The following KIF12 variants were observed in gnomAD, a reference collection of about 807,000 sequenced individuals.
KIF12 encodes the protein kinesin family member 12, also known as kinesin-like protein KIF12.
KIF12 carries 80 observed loss-of-function variants against 87.9 expected under a neutral mutation model. The ratio of observed to expected loss-of-function variants is 0.91; its 90% confidence interval spans 0.76 to 1.10. KIF12 has a LOEUF of 1.10. Ranked by LOEUF, KIF12 falls within the 50% of genes least tolerant of loss-of-function variation. The pLI is 0.00. For missense variants in KIF12, 819 were observed against 865.3 expected (o/e 0.95, Z 0.67); for synonymous variants, 353 against 348.5 (o/e 1.01, Z -0.14).
Position 114,095,242 on chromosome 9 carries a change from G to A in KIF12, c.986C>T (p.Ser329Leu), listed in dbSNP as rs1434612821. 8 of 1,613,904 alleles carry A rather than the reference G, an allele frequency of 5.0e-6. No individual in the cohort carries two copies. Among genetic ancestry groups the A allele is most frequent in the Non-Finnish European group, 6.8e-6 (8 of 1,180,020 alleles). ...DSKLTKLLAD[S>L]LGGRGVTLMV... The stretch of plus-strand genomic sequence containing the variant: ...GAGGGTGACCCCGCGCCCTCCCAGT[G>A]AGTCTGCCAGCAACTTGGTGAGCTT... Residue 329 changes from serine (S) to leucine (L), a missense_variant, in exon 10 of 19, where the codon TCA (serine) becomes TTA (leucine). By Grantham distance (145) the Ser-to-Leu change is moderately radical. Transcript: ENST00000640217.
Position 114,097,543 on chromosome 9 carries a change from G to A in KIF12, c.510+64C>T, listed in dbSNP as rs1163378920. On this transcript the variant is annotated intron_variant, in intron 6 of 18. Transcript: ENST00000640217. ...CCGCCTCTTCTGTCCTTTGATCCAG[G>A]CTCCCTGGAAAGAAGCGCTCCGTTT... 3.7e-6 allele frequency: 6 copies of A among 1,601,316 alleles called. No homozygotes were observed. In the African/African-American group the frequency reaches 5.4e-5, roughly 14 times the overall value.
In KIF12 at chr9:114,098,501, T is replaced by TGGAGGAGGGCGGGGCACGCG. The variant is rs1409179076; in HGVS notation, c.172-92_172-73dup. On this transcript the variant is annotated intron_variant, in intron 3 of 18. Transcript: ENST00000640217. ...GGCACCCTGGAGGGGCGGGGCACCG[T>TGGAGGAGGGCGGGGCACGCG]GGAGGAGGGCGGGGCACGCGGGAGG... 5.3e-3 allele frequency: 4,096 copies of TGGAGGAGGGCGGGGCACGCG among 768,410 alleles called. 63 individuals are homozygous for TGGAGGAGGGCGGGGCACGCG. Among genetic ancestry groups the TGGAGGAGGGCGGGGCACGCG allele is most frequent in the Middle Eastern group, 6.5e-3 (14 of 2,166 alleles). The allele number at this position is 768,410 out of a possible 1,614,324, so 47.6% of individuals were successfully genotyped here. A position where few individuals can be genotyped will look rare whatever the true frequency, so the allele number is the denominator to read the frequency against.
At chr9:114,093,601 C>A in intron 14 of KIF12, 104 bp from the exon 15 acceptor site, 1 of 969,048 alleles carries the variant, frequency 1.0e-6, no homozygotes, top group Non-Finnish European at 1.6e-6. Context: ...GTACCAGGTA[C>A]CGGGCCCCAT....
chr9:114,096,623 G>A (rs1223164072), intron 7 of KIF12, 145 bp from the exon 8 acceptor site: 2 of 697,578 alleles, frequency 2.9e-6, no homozygotes, highest in East Asian at 2.7e-5. Context: ...TTCAGGGAAC[G>A]ATGGGATGTT....
At chr9:114,095,685 T>C (rs964205714) in intron 9 of KIF12, among the ~76,000 whole-genome samples, 6 of 152,164 alleles carry the variant, frequency 3.9e-5, no homozygotes, top group African/African-American at 1.2e-4. Context: ...CCAGGTCCAA[T>C]ACCCTGGGGT....
At chr9:114,095,933 G>A (rs1428763303) in intron 9 of KIF12, 118 bp downstream of exon 9, 20 of 1,162,250 alleles carry the variant, frequency 1.7e-5, no homozygotes, top group Non-Finnish European at 2.4e-5. Context: ...TTCCTGGATC[G>A]CAGCTCTTTA....
chr9:114,092,320 C>T lies in KIF12; in HGVS notation c.1816+13G>A. On this transcript the variant is annotated intron_variant, in intron 18 of 18. Transcript: ENST00000640217. ...GAGAACATTAGGGGCCCCTCCCTCT[C>T]TCCCTTCTTCACCTCTGAGCCCTGG... 1 of 1,546,512 alleles carries T rather than the reference C, an allele frequency of 6.5e-7. No individual in the cohort carries two copies. The highest frequency in any genetic ancestry group is 8.7e-7 in the Non-Finnish European group (1 of 1,149,162).
At chr9:114,098,906 T>C (rs778225268) in intron 3 of KIF12, 29 bp downstream of exon 3, 23 of 1,539,388 alleles carry the variant, frequency 1.5e-5, no homozygotes, top group East Asian at 4.9e-5. Flanking sequence ...GGATTTTTTA[T>C]TGGGGAGATA....
Position 114,096,492 on chromosome 9 carries a change from A to T in KIF12, c.647-14T>A, listed in dbSNP as rs1461696884. On this transcript the variant is annotated splice_polypyrimidine_tract_variant and intron_variant, in intron 7 of 18. Coordinates refer to ENST00000640217, the MANE Select transcript of KIF12 (RefSeq NM_001388308.1). ...GACGGCTGAGACCTGGAAGGGAAAA[A>T]CATCAGGAGCTGGACCTGGTAGGAA... 5 of 1,596,920 alleles carry T rather than the reference A, an allele frequency of 3.1e-6. No homozygotes were observed. The highest frequency in any genetic ancestry group is 4.3e-6 in the Non-Finnish European group (5 of 1,169,606).
chr9:114,098,061 G>A, intron 5 of KIF12, 54 bp downstream of exon 5: 2 of 1,500,180 alleles, frequency 1.3e-6, no homozygotes, highest in South Asian at 1.2e-5. Context: ...GGCTCCCCAG[G>A]GCTTCCAGCC....
intron 18 of KIF12, 108 bp downstream of exon 18, chr9:114,092,225 T>A: frequency 6.7e-7 from 1 of 1,483,182 alleles, no homozygotes; most frequent in African/African-American, 1.4e-5. Context: ...AGAAGCCACC[T>A]CTCAACACCC....
chr9:114,091,827 T>C lies in KIF12; in HGVS notation c.*34A>G. 1 of 1,559,304 alleles carries C rather than the reference T, an allele frequency of 6.4e-7. No individual in the cohort carries two copies. The highest frequency in any genetic ancestry group is 8.7e-7 in the Non-Finnish European group (1 of 1,146,966). On this transcript the variant is annotated 3_prime_UTR_variant, in exon 19 of 19. Transcript: ENST00000640217. The stretch of plus-strand genomic sequence containing the variant: ...CAAGAGTGTGGAGCCCAGTCTGAGG[T>C]CACACAGCAGTCTCCTGGGTTCCCA...
intron 18 of KIF12, 22 bp from the exon 19 acceptor site, chr9:114,092,022 G>A: frequency 1.2e-6 from 2 of 1,602,466 alleles, no homozygotes; most frequent in South Asian, 2.2e-5. Context: ...TGAGACTCGA[G>A]GCCTGCCCTC....
At position 114,098,391 on chromosome 9, in the gene KIF12, G is replaced by T; in HGVS notation, c.210C>A (p.Arg70=). ...GCGCCGCGTCTAGCACCGCACCGAA[G>T]CGGAACGCCACTTCTGGACCCCCGC... ...PPGGGPEVAF[R]FGAVLDAART... The change falls in exon 4 of 19, where the codon CGC becomes CGA. Residue 70 remains arginine, a synonymous_variant. Transcript: ENST00000640217. 1 of 1,514,426 alleles carries T rather than the reference G, an allele frequency of 6.6e-7. No homozygotes were observed. 93.8% of individuals were successfully genotyped at this position (1,514,426 alleles called of 1,614,324 possible).
intron 1 of KIF12, 24 bp downstream of exon 1, chr9:114,099,227 G>A (rs1248775585): frequency 8.4e-6 from 13 of 1,550,720 alleles, no homozygotes; most frequent in Admixed American, 3.9e-5. Context: ...AGGACTCCTC[G>A]AACCTGTCTG....
rs1226054079 is a variant in KIF12 at position 114,098,197 on chromosome 9, G to C, written c.300-7C>G. The C allele has an allele frequency of 1.3e-6, 2 of 1,543,518 alleles. No homozygotes were observed. Among genetic ancestry groups the C allele is most frequent in the East Asian group, 2.5e-5 (1 of 39,982 alleles). ...GAAAACAGTGCAGGAGAAACTGCGG[G>C]CGGCAAGGGCGTGGCTGGACTCCGG... is the stretch of plus-strand genomic sequence containing the variant. On this transcript the variant is annotated splice_polypyrimidine_tract_variant and splice_region_variant and intron_variant, in intron 4 of 18. Transcript: ENST00000640217.
rs374850339 is a variant in KIF12, at chr9:114,091,931, C to G, written c.1886G>C (p.Arg629Pro). ...GCAGGGTGGCTGGCTGCGGCCACGTCGCAGGGAGCTGCCAATCTGGTCTCT... is the reference window on the plus strand; with the variant it reads ...GCAGGGTGGCTGGCTGCGGCCACGTGGCAGGGAGCTGCCAATCTGGTCTCT... ...ALRDQIGSSL[R>P]RGRSQPPCSE... Residue 629 changes from arginine to proline, a missense_variant, in exon 19 of 19, where the codon CGA becomes CCA. Physicochemically the swap from Arg to Pro is moderately radical, Grantham distance 103 (BLOSUM62 -2). Transcript: ENST00000640217. 6.2e-7 allele frequency: 1 copy of G among 1,612,492 alleles called. No individual in the cohort carries two copies. The highest frequency in any genetic ancestry group is 1.7e-5 in the Admixed American group (1 of 59,996).
At chr9:114,095,389 C>T in intron 9 of KIF12, 57 bp from the exon 10 acceptor site, 1 of 1,550,332 alleles carries the variant, frequency 6.5e-7, no homozygotes, top group Non-Finnish European at 8.7e-7. Flanking sequence ...GGCCATCAGG[C>T]TGGGATGCTG....
Position 114,099,154 on chromosome 9 carries a change from G to A in KIF12, c.42C>T (p.Ser14=). The A allele has an allele frequency of 1.3e-6, 2 of 1,550,628 alleles. No homozygotes were observed. The highest frequency in any genetic ancestry group is 1.7e-6 in the Non-Finnish European group (2 of 1,147,016). Residue 14 remains serine (S), a synonymous_variant, in exon 2 of 19, where the codon AGC becomes AGT. Transcript: ENST00000640217. ...CCGGCCCCTCTGGCCCTTGCTCCAG[G>A]CTCCGCGCGAGATCCCTGTGGGCAG... ...RGSPDGDLAR[S]LEQGPEGPET...
Sources: gnomAD v4.1 joint callset for allele counts (sites outside exome capture counted in the v4.1 genomes callset) on GRCh38, gnomAD v4.1.1 for gene constraint, MANE v1.5 for transcripts, NCBI Gene and HGNC (gene_info 2026-07-23, HGNC 2026-07-21) for gene names.